The following ATP11A variants were observed in gnomAD, a reference collection of about 807,000 sequenced individuals.
ATP11A encodes the protein phospholipid-transporting ATPase IH.
A neutral mutation model predicts 154.4 loss-of-function variants in ATP11A; 81 were observed. That is an observed-to-expected ratio of 0.52 (90% CI 0.44 to 0.63). The LOEUF is 0.63. Among genes scored for constraint, ATP11A ranks in the 30% least tolerant of loss-of-function variants. The pLI is 0.00. For synonymous variants in ATP11A, 623 were observed against 585.9 expected, an observed-to-expected ratio of 1.06 and a Z score of -0.91; for missense variants, 1,316 against 1,474.3, an observed-to-expected ratio of 0.89 and a Z score of 1.76.
At chr13:112,768,205 G>A (rs1220573898) in intron 1 of ATP11A, among the ~76,000 whole-genome samples, 3 of 152,244 alleles carry the variant, frequency 2.0e-5, no homozygotes, top group Non-Finnish European at 4.4e-5. Flanking sequence ...GGGCGGCCCT[G>A]TGATGAGCTA....
chr13:112,716,122 G>A (rs1164720153), intron 1 of ATP11A, among the ~76,000 whole-genome samples: 1 of 151,992 alleles, frequency 6.6e-6, no homozygotes, highest in Non-Finnish European at 1.5e-5. Flanking sequence ...CGTCTTCTGA[G>A]CCTGGTCCTC....
At chr13:112,763,676 C>T (rs1566444723) in intron 1 of ATP11A, among the ~76,000 whole-genome samples, 1 of 152,174 alleles carries the variant, frequency 6.6e-6, no homozygotes, top group Non-Finnish European at 1.5e-5. Flanking sequence ...GGAACCTTGG[C>T]TTCCACGACC....
Position 112,754,559 on chromosome 13 carries a change from C to T in ATP11A, c.40-30576C>T. On this transcript the variant is annotated intron_variant, in intron 1 of 29. Coordinates refer to ENST00000375645, the MANE Select transcript of ATP11A (RefSeq NM_015205.3). The surrounding 1 kb of genome is among the most constrained non-coding windows in gnomAD (Gnocchi z 5.3). Reference sequence around the variant, plus strand: ...GGCAGGACTCACTGCGGCTCCTGTGCTCCACGCTGCCCCCCCGAGAGGCAG... The same window carrying T: ...GGCAGGACTCACTGCGGCTCCTGTGTTCCACGCTGCCCCCCCGAGAGGCAG... 6.2e-6 allele frequency: 1 copy of T among 160,794 alleles called. No homozygotes were observed. The highest frequency in any genetic ancestry group is 6.1e-5 in the Admixed American group (1 of 16,316). The allele number at this position is 160,794 out of a possible 1,614,324, so 10.0% of individuals were successfully genotyped here.
At chr13:112,833,216 G>A (rs368135209) in intron 14 of ATP11A, among the ~76,000 whole-genome samples, 193 bp downstream of exon 14, 1 of 152,182 alleles carries the variant, frequency 6.6e-6, no homozygotes, top group Non-Finnish European at 1.5e-5. Flanking sequence ...GATAAGCAGC[G>A]TCTGGTCCCC....
At chr13:112,853,658 G>C (rs934463454) in intron 18 of ATP11A, among the ~76,000 whole-genome samples, 3 of 152,150 alleles carry the variant, frequency 2.0e-5, no homozygotes, top group Non-Finnish European at 4.4e-5. Flanking sequence ...AAATAGGTGT[G>C]GTGCTAGCGT....
intron 17 of ATP11A, among the ~76,000 whole-genome samples, chr13:112,850,628 T>C (rs1459274192): frequency 2.0e-5 from 3 of 152,020 alleles, no homozygotes; most frequent in Non-Finnish European, 4.4e-5. Flanking sequence ...TTTAGAAATA[T>C]CACTTGATAT....
At position 112,857,841 on chromosome 13, in the gene ATP11A, A is replaced by G. The variant is rs752166407; in HGVS notation, c.2442A>G (p.Ser814=). The change falls in exon 21 of 30, where the codon TCA becomes TCG. Residue 814 remains serine (S), a synonymous_variant. Coordinates refer to ENST00000375645, the MANE Select transcript of ATP11A (RefSeq NM_015205.3). ...AGATTGTTAAATTAATCAAATTTTC[A>G]AAAGAGCACCCAATCACGTTAGCAA... The part of the protein sequence containing the change: ...KAQIVKLIKF[S]KEHPITLAIG... 1 of 1,614,188 alleles carries G rather than the reference A, an allele frequency of 6.2e-7. No homozygotes were observed.
chr13:112,881,479 G>GC, intron 29 of ATP11A: 1 of 1,100,018 alleles, frequency 9.1e-7, no homozygotes, highest in South Asian at 2.4e-5. Context: ...CAGGAAGCCA[G>GC]CTACAGGGAG....
intron 16 of ATP11A, among the ~76,000 whole-genome samples, chr13:112,836,932 C>G: frequency 6.6e-6 from 1 of 152,242 alleles, no homozygotes; most frequent in Non-Finnish European, 1.5e-5. Context: ...GTCCCCTGAC[C>G]TCCCTGCGAG....
intron 2 of ATP11A, among the ~76,000 whole-genome samples, chr13:112,804,555 G>C (rs1340904595): frequency 6.9e-6 from 1 of 143,998 alleles, no homozygotes; most frequent in Non-Finnish European, 1.5e-5. Flanking sequence ...CTCAGAAGCT[G>C]CCTGGAGCTG....
chr13:112,750,699 G>C (rs1279216991), intron 1 of ATP11A, among the ~76,000 whole-genome samples: 1 of 152,200 alleles, frequency 6.6e-6, no homozygotes, highest in African/African-American at 2.4e-5. Context: ...TTGCTCACTA[G>C]TGTTTACTGC....
rs556307864 is a variant in ATP11A at position 112,845,466 on chromosome 13, T to A, written c.1809+3087T>A. Among the ~76,000 whole-genome samples the A allele has an allele frequency of 3.3e-4, 30 of 92,092 alleles. 2 individuals carry two copies. The highest frequency in any genetic ancestry group is 1.6e-3 in the African/African-American group (25 of 15,372). 60.4% of individuals were successfully genotyped at this position (92,092 alleles called of 152,430 possible). ...CCAGTTGCCAGCACTAGCGGTACTA[T>A]TCAGTCCAGTTGCCAGGCACTAGTG... is the stretch of plus-strand genomic sequence containing the variant. On this transcript the variant is annotated intron_variant, in intron 17 of 29. Coordinates refer to ENST00000375645, the MANE Select transcript of ATP11A (RefSeq NM_015205.3).
intron 1 of ATP11A, among the ~76,000 whole-genome samples, chr13:112,709,584 T>C (rs1887513549): frequency 6.6e-6 from 1 of 152,162 alleles, no homozygotes. Context: ...AACCTGAACA[T>C]TTCCTTTCTG....
intron 5 of ATP11A, among the ~76,000 whole-genome samples, chr13:112,815,394 C>T (rs1448000705): frequency 6.6e-6 from 1 of 150,584 alleles, no homozygotes; most frequent in African/African-American, 2.5e-5. Context: ...GACACACAGT[C>T]CAGATCTGCT....
rs1223013766 is a variant in ATP11A, at chr13:112,744,044, C to T, written c.40-41091C>T. Among the ~76,000 whole-genome samples, 8 of 152,224 alleles carry T rather than the reference C, an allele frequency of 5.3e-5. No homozygotes were observed. The East Asian group carries it at 5.8e-4, about 11-fold the overall frequency. ...GGTCATTTTAGTCATCATACTATGA[C>T]GGCTGAGCTGCGTGTCCAGCTGCGG... On this transcript the variant is annotated intron_variant, in intron 1 of 29. Coordinates refer to ENST00000375645, the MANE Select transcript of ATP11A (RefSeq NM_015205.3).
At chr13:112,719,531 T>A (rs1233704017) in intron 1 of ATP11A, among the ~76,000 whole-genome samples, 1 of 152,240 alleles carries the variant, frequency 6.6e-6, no homozygotes, top group East Asian at 1.9e-4. Flanking sequence ...TTAATTACAA[T>A]TCCTTAACGG....
At chr13:112,705,632 GC>G (rs574009941) in intron 1 of ATP11A, among the ~76,000 whole-genome samples, 1 of 152,200 alleles carries the variant, frequency 6.6e-6, no homozygotes, top group African/African-American at 2.4e-5. Flanking sequence ...GGCAGAGGAA[GC>G]CCCCCAGGAG....
chr13:112,722,924 A>C (rs1889366685), intron 1 of ATP11A, among the ~76,000 whole-genome samples: 1 of 152,180 alleles, frequency 6.6e-6, no homozygotes, highest in Non-Finnish European at 1.5e-5. Context: ...GGATTCAGAA[A>C]TGCTTTACTT....
chr13:112,747,540 A>G (rs1892307140), intron 1 of ATP11A: 1 of 151,520 alleles, frequency 6.6e-6, no homozygotes, highest in Non-Finnish European at 1.5e-5. Context: ...AGCAAATTAC[A>G]AAAAGTAACA....
Sources: allele counts gnomAD v4.1 joint callset (sites outside exome capture counted in the v4.1 genomes callset), GRCh38; gene constraint gnomAD v4.1.1; non-coding constraint Gnocchi (gnomAD v3.1); transcripts MANE v1.5; gene names NCBI Gene and HGNC (gene_info 2026-07-23, HGNC 2026-07-21).